DLG2: variants seen among roughly 807,000 people sequenced by gnomAD.
DLG2 encodes the protein discs large MAGUK scaffold protein 2, also known as disks large homolog 2.
A neutral mutation model predicts 132.5 loss-of-function variants in DLG2; 45 were observed. The observed-to-expected ratio is 0.34, with a 90% CI of 0.27 to 0.44. The LOEUF (loss-of-function observed/expected upper bound fraction) is 0.44. Among genes scored for constraint, DLG2 ranks in the 20% least tolerant of loss-of-function variants. The pLI is 1.00. For missense variants in DLG2, 1,045 were observed against 1,196.9 expected, an observed-to-expected ratio of 0.87 and a Z score of 1.87; for synonymous variants, 424 against 419.6, an observed-to-expected ratio of 1.01 and a Z score of -0.13.
chr11:84,021,073 G>A (rs1205140303), intron 11 of DLG2, among the ~76,000 whole-genome samples: 1 of 152,090 alleles, frequency 6.6e-6, no homozygotes, highest in Non-Finnish European at 1.5e-5. Context: ...ATAGAGATGA[G>A]TATTTAACTC....
intron 19 of DLG2, among the ~76,000 whole-genome samples, chr11:83,630,053 G>T (rs954845269): frequency 3.3e-5 from 5 of 152,044 alleles, no homozygotes; most frequent in African/African-American, 1.2e-4. Flanking sequence ...AGTTCCACTT[G>T]CACAGCACCA....
chr11:84,549,711 T>C (rs941503536), intron 6 of DLG2, among the ~76,000 whole-genome samples: 6 of 152,178 alleles, frequency 3.9e-5, no homozygotes, highest in Non-Finnish European at 7.3e-5. Flanking sequence ...ACCCGCCTCC[T>C]AACAGGTGCT....
At chr11:84,760,213 G>A in intron 6 of DLG2, among the ~76,000 whole-genome samples, 1 of 152,098 alleles carries the variant, frequency 6.6e-6, no homozygotes, top group East Asian at 1.9e-4. Flanking sequence ...CTGTTCCTAG[G>A]ATTTAATTCT....
chr11:84,452,231 AAGG>A (rs1365204808), intron 7 of DLG2, among the ~76,000 whole-genome samples: 1 of 151,782 alleles, frequency 6.6e-6, no homozygotes, highest in African/African-American at 2.4e-5. Flanking sequence ...TGACAACAGT[AAGG>A]AGAACAGCAT....
intron 6 of DLG2, among the ~76,000 whole-genome samples, chr11:85,100,539 C>A (rs1029967433): frequency 6.6e-6 from 1 of 152,066 alleles, no homozygotes; most frequent in Non-Finnish European, 1.5e-5. Flanking sequence ...TAAGTGATGG[C>A]CGAAAAGATC....
intron 12 of DLG2, among the ~76,000 whole-genome samples, chr11:83,967,853 G>T (rs2090543757): frequency 6.6e-6 from 1 of 152,070 alleles, no homozygotes; most frequent in Admixed American, 6.6e-5. Context: ...ATGGTTTTAG[G>T]TTTTACGTTT....
chr11:83,572,068 G>A (rs1565859049), intron 19 of DLG2, among the ~76,000 whole-genome samples: 1 of 151,772 alleles, frequency 6.6e-6, no homozygotes, highest in East Asian at 1.9e-4. Context: ...TTGCAGTGGT[G>A]GAATTATGAG....
At chr11:84,194,943 G>T (rs1211503949) in intron 8 of DLG2, among the ~76,000 whole-genome samples, 1 of 152,148 alleles carries the variant, frequency 6.6e-6, no homozygotes, top group Non-Finnish European at 1.5e-5. Context: ...GCCGCGTGCA[G>T]CCTCGGTTCT....
intron 6 of DLG2, among the ~76,000 whole-genome samples, chr11:84,788,301 G>C (rs908873095): frequency 1.3e-5 from 2 of 151,990 alleles, no homozygotes; most frequent in African/African-American, 4.8e-5. Context: ...AGCCTCCTAT[G>C]TAAGTACTAC....
At chr11:85,141,249 A>G (rs1265465675) in intron 5 of DLG2, among the ~76,000 whole-genome samples, 1 of 151,844 alleles carries the variant, frequency 6.6e-6, no homozygotes, top group African/African-American at 2.4e-5. Flanking sequence ...TGCCTTTTGG[A>G]TAAAAGCCAT....
chr11:84,203,261 C>T (rs1366753021), intron 8 of DLG2, among the ~76,000 whole-genome samples: 1 of 152,112 alleles, frequency 6.6e-6, no homozygotes, highest in Admixed American at 6.5e-5. Flanking sequence ...GGTACATATA[C>T]ACCATGGAAT....
At position 85,589,515 on chromosome 11, in the gene DLG2, A is replaced by T. The variant is rs562703643; in HGVS notation, c.40+9142T>A. Among the ~76,000 whole-genome samples the T allele has an allele frequency of 5.3e-5, 8 of 151,160 alleles. No homozygotes were observed. The East Asian group carries it at 1.6e-3, about 30-fold the overall frequency. On this transcript the variant is annotated intron_variant, in intron 3 of 27. Coordinates refer to ENST00000376104, the MANE Select transcript of DLG2 (RefSeq NM_001142699.3). The stretch of plus-strand genomic sequence containing the variant: ...CAGGGTTAGGCAGATCTGAGCTCAG[A>T]CTCCCCTTGGGTGGGGCTTGCTGCA...
At chr11:85,363,007 T>G in intron 3 of DLG2, among the ~76,000 whole-genome samples, 1 of 152,318 alleles carries the variant, frequency 6.6e-6, no homozygotes, top group South Asian at 2.1e-4. Flanking sequence ...TTGCACACAC[T>G]GTCACAGAAG....
intron 5 of DLG2, among the ~76,000 whole-genome samples, chr11:85,150,951 A>G (rs1280772252): frequency 6.6e-6 from 1 of 152,140 alleles, no homozygotes; most frequent in African/African-American, 2.4e-5. Flanking sequence ...AAGAATCTTT[A>G]TACTGTTTTC....
At chr11:85,355,130 T>C (rs140287821) in intron 3 of DLG2, among the ~76,000 whole-genome samples, 2,016 of 152,308 alleles carry the variant, frequency 0.013, 25 homozygotes, top group South Asian at 0.049. Context: ...ATACACAATT[T>C]ATACTAAATA....
intron 6 of DLG2, among the ~76,000 whole-genome samples, chr11:84,618,252 T>C (rs558148607): frequency 8.6e-5 from 13 of 152,022 alleles, no homozygotes; most frequent in East Asian, 5.8e-4. Flanking sequence ...ACTAAAGGGA[T>C]TGTACTTAAT....
intron 6 of DLG2, among the ~76,000 whole-genome samples, chr11:84,655,650 G>C (rs2099687227): frequency 6.6e-6 from 1 of 151,834 alleles, no homozygotes; most frequent in South Asian, 2.1e-4. Flanking sequence ...TTGTCATTCT[G>C]TGACCATGAG....
chr11:84,273,021 G>T, intron 7 of DLG2: 2 of 754,038 alleles, frequency 2.7e-6, no homozygotes, highest in Non-Finnish European at 3.8e-6. Context: ...TAGCCTGAAT[G>T]AGAACTACAG....
intron 3 of DLG2, among the ~76,000 whole-genome samples, chr11:85,595,784 T>G (rs930540609): frequency 1.3e-5 from 2 of 152,222 alleles, no homozygotes; most frequent in African/African-American, 4.8e-5. Context: ...TTTACTTTAT[T>G]TTCAAAAATA....
Sources: allele counts gnomAD v4.1 joint callset (sites outside exome capture counted in the v4.1 genomes callset), GRCh38; gene constraint gnomAD v4.1.1; transcripts MANE v1.5; gene names NCBI Gene and HGNC (gene_info 2026-07-23, HGNC 2026-07-21).